ADGRL1: variants seen among roughly 807,000 people sequenced by gnomAD.
ADGRL1 encodes the protein CIRL-1.
Under a neutral mutation model 148.9 loss-of-function variants are expected in ADGRL1, and 31 were observed. The observed-to-expected ratio is 0.21, with a 90% CI of 0.16 to 0.28. The LOEUF (loss-of-function observed/expected upper bound fraction) is 0.28, where lower values mean the gene tolerates loss of function less well. ADGRL1 is among the 10% of genes least tolerant of loss of function. The probability of loss-of-function intolerance (pLI) is 1.00; values close to 1 mark genes in which losing one functional copy is unlikely to be tolerated. For missense variants in ADGRL1, 1,521 were observed against 2,058.8 expected, an observed-to-expected ratio of 0.74 and a Z score of 5.05; for synonymous variants, 937 against 900.3, an observed-to-expected ratio of 1.04 and a Z score of -0.73.
chr19:14,184,820 T>C (rs1244939780), intron 1 of ADGRL1, among the ~76,000 whole-genome samples: 2 of 151,820 alleles, frequency 1.3e-5, no homozygotes, highest in African/African-American at 2.4e-5. Context: ...TTTGTATTTT[T>C]AGTCGAGATG....
chr19:14,177,802 C>T, intron 2 of ADGRL1, 58 bp from the exon 3 acceptor site: 1 of 1,482,974 alleles, frequency 6.7e-7, no homozygotes, highest in South Asian at 1.2e-5. Context: ...AGGGAAGACC[C>T]TACCCACTGC....
intron 1 of ADGRL1, among the ~76,000 whole-genome samples, chr19:14,184,377 C>T (rs1971429867): frequency 6.6e-6 from 1 of 151,650 alleles, no homozygotes; most frequent in Non-Finnish European, 1.5e-5. Flanking sequence ...CCCCTGCCAT[C>T]CTCCCCACCT....
rs561659098 is a variant in ADGRL1 at position 14,162,167 on chromosome 19, A to G, written c.1195+439T>C. On this transcript the variant is annotated intron_variant, in intron 5 of 22. Coordinates refer to ENST00000361434, the MANE Select transcript of ADGRL1 (RefSeq NM_014921.5). The surrounding 1 kb of genome is among the most constrained non-coding windows in gnomAD (Gnocchi z 5.4). ...TAGCAGGGCAGCTAGGCGGGGCAAA[A>G]GAAGACTGCAGAGTTGCCCTCAGCC... is the stretch of plus-strand genomic sequence containing the variant. Among the ~76,000 whole-genome samples, 116 of 152,260 alleles carry G rather than the reference A, an allele frequency of 7.6e-4. No homozygotes were observed. The highest frequency in any genetic ancestry group is 2.7e-3 in the African/African-American group (113 of 41,548).
chr19:14,155,819 C>T lies in ADGRL1; in HGVS notation c.3125+291G>A. Reference sequence around the variant, plus strand: ...TTCCAGACCACTTAGGCTATATTTGCTGCCTATTTCTCTTTAAGTTGCCCT... The same window carrying T: ...TTCCAGACCACTTAGGCTATATTTGTTGCCTATTTCTCTTTAAGTTGCCCT... On this transcript the variant is annotated intron_variant, in intron 17 of 22. Coordinates refer to ENST00000361434, the MANE Select transcript of ADGRL1 (RefSeq NM_014921.5). The surrounding 1 kb of genome is among the most constrained non-coding windows in gnomAD (Gnocchi z 5.0). 1 of 576,684 alleles carries T rather than the reference C, an allele frequency of 1.7e-6. No individual in the cohort carries two copies. The highest frequency in any genetic ancestry group is 3.1e-6 in the Non-Finnish European group (1 of 323,236). The allele number at this position is 576,684 out of a possible 1,614,324, so 35.7% of individuals were successfully genotyped here.
chr19:14,159,757 C>T lies in ADGRL1; in HGVS notation c.1817G>A (p.Arg606Lys). ...KNYNKMHKRERTCKDYIKAVV... is the reference protein window; with the variant it reads ...KNYNKMHKREKTCKDYIKAVV... The stretch of plus-strand genomic sequence containing the variant: ...CACCTTGATATAATCCTTACAAGTT[C>T]TCTCTCGCTTGTGCATCTAGAAAGA... The change falls in exon 9 of 23, where the codon AGA becomes AAA. Residue 606 changes from arginine (R) to lysine (K), a missense_variant. Around this residue, in one of 8 missense-constraint regions of ADGRL1, gnomAD observed 265 missense variants for 431.9 expected, o/e 0.61. Coordinates refer to ENST00000361434, the MANE Select transcript of ADGRL1 (RefSeq NM_014921.5). This position sits in a 1 kb window ranked among gnomAD's most constrained non-coding sequence, Gnocchi z 6.0. 1.9e-6 allele frequency: 3 copies of T among 1,614,014 alleles called. No homozygotes were observed. The South Asian group carries it at 3.3e-5, about 18-fold the overall frequency.
At position 14,150,855 on chromosome 19, in the gene ADGRL1, C is replaced by G. The variant is rs766584087; in HGVS notation, c.*18G>C. ...CCTCCCTGGCCTGGGCCACCAGCCC[C>G]TGGTCCATGAGGTGCCCTCAGAGAC... On this transcript the variant is annotated 3_prime_UTR_variant, in exon 23 of 23. Transcript: ENST00000361434. The G allele has an allele frequency of 6.2e-7, 1 of 1,608,624 alleles. No homozygotes were observed. The highest frequency in any genetic ancestry group is 1.1e-5 in the South Asian group (1 of 90,612).
intron 3 of ADGRL1, 169 bp from the exon 4 acceptor site, chr19:14,170,960 T>G: frequency 1.8e-6 from 1 of 568,520 alleles, no homozygotes; most frequent in East Asian, 3.0e-5. Flanking sequence ...CCAAATCTCA[T>G]GTTGAATTGT....
chr19:14,156,589 A>AGGGGGGGGGGG (rs1568571257), intron 16 of ADGRL1, 69 bp downstream of exon 16: 1 of 795,898 alleles, frequency 1.3e-6, no homozygotes, highest in Non-Finnish European at 1.7e-6. Context: ...GGGCGGGGGC[A>AGGGGGGGGGGG]GGGGCTGGGG....
intron 1 of ADGRL1, among the ~76,000 whole-genome samples, chr19:14,184,662 C>G (rs1382521859): frequency 7.8e-6 from 1 of 127,724 alleles, no homozygotes; most frequent in Non-Finnish European, 1.7e-5. Context: ...TTTTCTGAGA[C>G]GGAGTCGTGC....
rs972581318 is a variant in ADGRL1, at chr19:14,184,408, G to A, written c.-95-711C>T. Among the ~76,000 whole-genome samples, 34 of 151,582 alleles carry A rather than the reference G, an allele frequency of 2.2e-4. 1 individual carries two copies. The highest frequency in any genetic ancestry group is 1.8e-3 in the Admixed American group (28 of 15,192). ...CACCTGCTCTGTCCCCAGGCACAGC[G>A]GCTCAGTTTTTTTTTTCATTATTAT... On this transcript the variant is annotated intron_variant, in intron 1 of 22. Coordinates refer to ENST00000361434, the MANE Select transcript of ADGRL1 (RefSeq NM_014921.5).
At chr19:14,202,173 G>T (rs1224291169) in intron 1 of ADGRL1, among the ~76,000 whole-genome samples, 1 of 152,122 alleles carries the variant, frequency 6.6e-6, no homozygotes, top group Admixed American at 6.5e-5. Flanking sequence ...TGCAGTCAGA[G>T]TTTGGGGCTA....
intron 1 of ADGRL1, among the ~76,000 whole-genome samples, chr19:14,193,919 G>A (rs1052350677): frequency 3.3e-5 from 5 of 152,176 alleles, no homozygotes; most frequent in African/African-American, 1.2e-4. Flanking sequence ...CCTTGATCTT[G>A]GACTTCCAAC....
intron 4 of ADGRL1, chr19:14,166,873 G>A: frequency 1.2e-6 from 1 of 841,818 alleles, no homozygotes; most frequent in Non-Finnish European, 2.0e-6. Flanking sequence ...CCACTGGGAG[G>A]ACAACCCAGG....
chr19:14,184,638 A>ATTTTTTT (rs1293975046), intron 1 of ADGRL1, among the ~76,000 whole-genome samples: 57 of 120,934 alleles, frequency 4.7e-4, no homozygotes, highest in Non-Finnish European at 6.6e-4. Flanking sequence ...TTATTTATTT[A>ATTTTTTT]TTTATTTATT....
intron 4 of ADGRL1, among the ~76,000 whole-genome samples, chr19:14,166,760 G>C (rs1017593394): frequency 9.9e-5 from 15 of 152,116 alleles, no homozygotes; most frequent in Non-Finnish European, 1.5e-4. Flanking sequence ...GGGACAGAGA[G>C]AGACAGAAAC....
chr19:14,160,306 G>A lies in ADGRL1; in HGVS notation c.1615-9C>T, dbSNP rs1433864441. On this transcript the variant is annotated splice_polypyrimidine_tract_variant and intron_variant, in intron 7 of 22. Transcript: ENST00000361434. The surrounding 1 kb of genome is among the most constrained non-coding windows in gnomAD (Gnocchi z 5.9). ...TTCTCCCCACTCTTGATCTGCATGA[G>A]GTGGGGGCGGGAAGGGGGAATCCCA... 1 of 1,583,050 alleles carries A rather than the reference G, an allele frequency of 6.3e-7. No individual in the cohort carries two copies.
At chr19:14,177,480 G>A (rs1275419059) in intron 3 of ADGRL1, 51 bp downstream of exon 3, 20 of 1,542,144 alleles carry the variant, frequency 1.3e-5, no homozygotes, top group Non-Finnish European at 1.7e-5. Flanking sequence ...CAGGTGTGCA[G>A]TGCTTTTAGG....
chr19:14,184,320 C>T (rs1019937786), intron 1 of ADGRL1, among the ~76,000 whole-genome samples: 1 of 152,026 alleles, frequency 6.6e-6, no homozygotes, highest in African/African-American at 2.4e-5. Context: ...GCCTCCCCCT[C>T]TGGGGGGGCC....
chr19:14,203,752 C>T (rs1972772527), intron 1 of ADGRL1, among the ~76,000 whole-genome samples: 1 of 152,198 alleles, frequency 6.6e-6, no homozygotes. Flanking sequence ...CCCAGCTCCC[C>T]ATCCTCCCCA....
Sources: allele counts gnomAD v4.1 joint callset (sites outside exome capture counted in the v4.1 genomes callset), GRCh38; gene constraint gnomAD v4.1.1; regional missense constraint gnomAD v4.1.1; non-coding constraint Gnocchi (gnomAD v3.1); transcripts MANE v1.5; gene names NCBI Gene and HGNC (gene_info 2026-07-23, HGNC 2026-07-21).